LHPP: variants seen among roughly 807,000 people sequenced by gnomAD.
LHPP encodes hLHPP.
In LHPP, 24 loss-of-function variants were observed where a neutral mutation model predicts 30.3. The ratio of observed to expected loss-of-function variants is 0.79; its 90% CI spans 0.57 to 1.11. The LOEUF (loss-of-function observed/expected upper bound fraction) is 1.11, where lower values mean the gene tolerates loss of function less well. Among genes scored for constraint, LHPP ranks in the 50% most tolerant of loss-of-function variants. LHPP has a pLI of 0.00. For synonymous variants in LHPP, 150 were observed against 157.1 expected, an observed-to-expected ratio of 0.95 and a Z score of 0.34; for missense variants, 356 against 367.2, an observed-to-expected ratio of 0.97 and a Z score of 0.25.
intron 6 of LHPP, among the ~76,000 whole-genome samples, chr10:124,563,530 G>A (rs1436010759): frequency 2.0e-5 from 3 of 151,970 alleles, no homozygotes; most frequent in Non-Finnish European, 2.9e-5. Flanking sequence ...GGCAGTGGGC[G>A]TGGCTATAAA....
At chr10:124,559,624 G>A (rs1948358700) in intron 6 of LHPP, among the ~76,000 whole-genome samples, 1 of 152,266 alleles carries the variant, frequency 6.6e-6, no homozygotes, top group Middle Eastern at 3.2e-3. Flanking sequence ...TGGAAATCCG[G>A]CTGCCCGAGG....
intron 6 of LHPP, among the ~76,000 whole-genome samples, chr10:124,600,340 C>T (rs1019663285): frequency 6.6e-6 from 1 of 152,246 alleles, no homozygotes; most frequent in Admixed American, 6.5e-5. Context: ...GTGCCTGCTT[C>T]GCCAAAGGCA....
At chr10:124,485,605 T>G (rs183611442) in intron 2 of LHPP, among the ~76,000 whole-genome samples, 5,800 of 40,738 alleles carry the variant, frequency 0.14, 300 homozygotes, top group East Asian at 0.32. Flanking sequence ...ATAGTTTTGG[T>G]TTTTTTTTTG....
intron 6 of LHPP, among the ~76,000 whole-genome samples, chr10:124,556,718 G>A (rs561017266): frequency 2.6e-5 from 4 of 152,212 alleles, no homozygotes; most frequent in Non-Finnish European, 4.4e-5. Flanking sequence ...TTTAAAACGC[G>A]CCTCCATCAA....
chr10:124,476,540 G>A (rs188278548), intron 1 of LHPP, among the ~76,000 whole-genome samples: 3 of 152,262 alleles, frequency 2.0e-5, no homozygotes, highest in Admixed American at 1.3e-4. Flanking sequence ...GCGCCAGGGT[G>A]GGAAGCCAGA....
At position 124,523,299 on chromosome 10, in the gene LHPP, T is replaced by C. The variant is rs1260890777; in HGVS notation, c.716+6028T>C. 6.6e-6 allele frequency among the ~76,000 whole-genome samples: 1 copy of C among 151,938 alleles called. No individual in the cohort carries two copies. Among genetic ancestry groups the C allele is most frequent in the Non-Finnish European group, 1.5e-5 (1 of 67,986 alleles). ...AGCTGTGGCCTGGGTGCTGAAGGGG[T>C]TTCCCCCCAGTGGGGTGGCCAGCCG... On this transcript the variant is annotated intron_variant, in intron 6 of 6. Transcript: ENST00000368842. The surrounding 1 kb of genome is among the most constrained non-coding windows in gnomAD (Gnocchi z 4.2).
At chr10:124,536,163 G>A (rs561869939) in intron 6 of LHPP, among the ~76,000 whole-genome samples, 67 of 152,380 alleles carry the variant, frequency 4.4e-4, no homozygotes, top group African/African-American at 1.3e-3. Flanking sequence ...CCGCGTGTGC[G>A]TGCAGACTGG....
At chr10:124,574,478 G>C (rs529655584) in intron 6 of LHPP, among the ~76,000 whole-genome samples, 1 of 152,242 alleles carries the variant, frequency 6.6e-6, no homozygotes, top group Non-Finnish European at 1.5e-5. Context: ...ATCTGCGGGA[G>C]GTGTTGTGTG....
At chr10:124,462,452 G>T (rs915977951) in intron 1 of LHPP, among the ~76,000 whole-genome samples, 1 of 152,008 alleles carries the variant, frequency 6.6e-6, no homozygotes, top group Non-Finnish European at 1.5e-5. Context: ...AAAATTAGCC[G>T]GGTGTGGTGG....
intron 6 of LHPP, among the ~76,000 whole-genome samples, chr10:124,602,477 G>T (rs1315397907): frequency 6.6e-6 from 1 of 152,194 alleles, no homozygotes; most frequent in Admixed American, 6.5e-5. Context: ...TGGGTTGTGG[G>T]CAGCAGGCAG....
chr10:124,482,262 C>T (rs1216654256), intron 1 of LHPP, among the ~76,000 whole-genome samples: 1 of 152,102 alleles, frequency 6.6e-6, no homozygotes, highest in Non-Finnish European at 1.5e-5. Flanking sequence ...TGTGTGTTTT[C>T]TATAAATTTT....
At chr10:124,609,279 G>A (rs1949135022) in intron 6 of LHPP, among the ~76,000 whole-genome samples, 1 of 152,356 alleles carries the variant, frequency 6.6e-6, no homozygotes, top group South Asian at 2.1e-4. Flanking sequence ...ACTCTCATCT[G>A]TCACCCAGGT....
chr10:124,550,736 G>A (rs1948148184), intron 6 of LHPP, among the ~76,000 whole-genome samples: 1 of 152,220 alleles, frequency 6.6e-6, no homozygotes, highest in South Asian at 2.1e-4. Context: ...CGGCGATTCC[G>A]GAAAGGAGGC....
At chr10:124,567,543 G>A (rs1467778930) in intron 6 of LHPP, among the ~76,000 whole-genome samples, 2 of 152,224 alleles carry the variant, frequency 1.3e-5, no homozygotes, top group Non-Finnish European at 2.9e-5. Context: ...GACTGAAGAC[G>A]TCCTTTGTGG....
chr10:124,583,502 T>G (rs536852093), intron 6 of LHPP, among the ~76,000 whole-genome samples: 1 of 152,260 alleles, frequency 6.6e-6, no homozygotes, highest in East Asian at 1.9e-4. Flanking sequence ...TGAGCCTGGG[T>G]AATTTATAAG....
rs144337552 is a variant in LHPP at position 124,551,721 on chromosome 10, G to A, written c.716+34450G>A. ...GACCCGCGGGCTTGGCCGGCCCCCCGGGAAGAAGACCCACAGCTGGGAGGG... is the reference window on the plus strand; with the variant it reads ...GACCCGCGGGCTTGGCCGGCCCCCCAGGAAGAAGACCCACAGCTGGGAGGG... On this transcript the variant is annotated intron_variant, in intron 6 of 6. Coordinates refer to ENST00000368842, the MANE Select transcript of LHPP (RefSeq NM_022126.4). Among the ~76,000 whole-genome samples the A allele has an allele frequency of 2.9e-3, 438 of 152,134 alleles. 3 individuals carry two copies. The highest frequency in any genetic ancestry group is 0.01 in the African/African-American group (415 of 41,496).
intron 6 of LHPP, among the ~76,000 whole-genome samples, chr10:124,518,633 G>A (rs1040970771): frequency 2.0e-5 from 3 of 152,224 alleles, no homozygotes; most frequent in Admixed American, 6.5e-5. Flanking sequence ...AGGGAGAACC[G>A]TACTGTGTTG....
intron 6 of LHPP, among the ~76,000 whole-genome samples, chr10:124,598,998 CCCATCCAT>C (rs71029203): frequency 1.1e-4 from 17 of 148,618 alleles, no homozygotes; most frequent in East Asian, 4.1e-4. Flanking sequence ...TCCATCTCTG[CCCATCCAT>C]CCATCCATCC....
chr10:124,507,046 G>A lies in LHPP; in HGVS notation c.624+8918G>A, dbSNP rs186346935. Among the ~76,000 whole-genome samples the A allele has an allele frequency of 2.2e-3, 64 of 29,194 alleles. 7 individuals are homozygous for A. The East Asian group carries it at 0.026, about 12-fold the overall frequency. The allele number at this position is 29,194 out of a possible 152,430, so 19.2% of individuals were successfully genotyped here. A position where few individuals can be genotyped will look rare whatever the true frequency, so the allele number is the denominator to read the frequency against. ...ACAGGATTTCAGGTGAGGGGGGTAG[G>A]GAGGATTTCAGGTGTAGGGGTAGAC... On this transcript the variant is annotated intron_variant, in intron 5 of 6. Coordinates refer to ENST00000368842, the MANE Select transcript of LHPP (RefSeq NM_022126.4).
Sources: gnomAD v4.1 joint callset for allele counts (sites outside exome capture counted in the v4.1 genomes callset) on GRCh38, gnomAD v4.1.1 for gene constraint, Gnocchi (gnomAD v3.1) non-coding constraint, MANE v1.5 for transcripts, NCBI Gene and HGNC (gene_info 2026-07-23, HGNC 2026-07-21) for gene names.